PPP1R36: variants seen among roughly 807,000 people sequenced by gnomAD.
The protein encoded by PPP1R36 is chromosome 14 open reading frame 50.
PPP1R36 carries 47 observed loss-of-function variants against 53.4 expected under a neutral mutation model. The ratio of observed to expected loss-of-function variants is 0.88; its 90% CI spans 0.70 to 1.12. PPP1R36 has a LOEUF of 1.12. PPP1R36 is among the 50% of genes most tolerant of loss of function. The probability of loss-of-function intolerance (pLI) is 0.00; values close to 1 mark genes in which losing one functional copy is unlikely to be tolerated. For missense variants in PPP1R36, 456 were observed against 513.9 expected (o/e 0.89, Z 1.09); for synonymous variants, 153 against 170.5 (o/e 0.90, Z 0.80).
At chr14:64,564,906 C>T in intron 4 of PPP1R36, 69 bp downstream of exon 4, 1 of 1,006,880 alleles carries the variant, frequency 9.9e-7, no homozygotes, top group Non-Finnish European at 1.5e-6. Flanking sequence ...TCAGCCTTTA[C>T]AAACTACGAA....
Position 64,565,431 on chromosome 14 carries a change from C to T in PPP1R36, c.344C>T (p.Thr115Ile), listed in dbSNP as rs777906574. 6.2e-7 allele frequency: 1 copy of T among 1,612,456 alleles called. No homozygotes were observed. Among genetic ancestry groups the T allele is most frequent in the South Asian group, 1.1e-5 (1 of 90,970 alleles). The stretch of plus-strand genomic sequence containing the variant: ...GTAGAGAAACGAGGTCAACAGGGCA[C>T]CATTACACTGGATGATGTTAAATGT... ...KAVEKRGQQG[T>I]ITLDDVKFVT... Residue 115 changes from threonine to isoleucine, a missense_variant, in exon 5 of 12, where the codon ACC (threonine) becomes ATC (isoleucine). Physicochemically the swap from Thr to Ile is moderately conservative, Grantham distance 89. Coordinates refer to ENST00000298705, the MANE Select transcript of PPP1R36 (RefSeq NM_172365.3).
chr14:64,575,820 T>C (rs1171349458), intron 8 of PPP1R36, among the ~76,000 whole-genome samples: 1 of 151,898 alleles, frequency 6.6e-6, no homozygotes, highest in African/African-American at 2.4e-5. Flanking sequence ...CCAGCTAATT[T>C]TTTGTATTTT....
chr14:64,565,272 A>G, intron 4 of PPP1R36, 85 bp from the exon 5 acceptor site: 1 of 869,902 alleles, frequency 1.1e-6, no homozygotes, highest in Non-Finnish European at 1.8e-6. Context: ...TTACTTTTTA[A>G]TAAATGCTTC....
intron 4 of PPP1R36, 131 bp downstream of exon 4, chr14:64,564,968 A>C: frequency 3.1e-6 from 2 of 653,078 alleles, no homozygotes; most frequent in Non-Finnish European, 5.3e-6. Context: ...TCAAAGAAAG[A>C]ACATGTGCTG....
intron 8 of PPP1R36, among the ~76,000 whole-genome samples, chr14:64,583,852 G>A (rs1425609379): frequency 6.8e-6 from 1 of 147,600 alleles, no homozygotes; most frequent in African/African-American, 2.5e-5. Context: ...GAGTTCCAGT[G>A]TGTATGGCAA....
intron 6 of PPP1R36, 55 bp from the exon 7 acceptor site, chr14:64,568,294 C>T (rs904951073): frequency 4.5e-6 from 3 of 669,684 alleles, no homozygotes; most frequent in Non-Finnish European, 4.9e-6. Flanking sequence ...AGAAATCTTA[C>T]ATTTGAAATA....
chr14:64,574,507 G>A lies in PPP1R36; in HGVS notation c.586G>A (p.Ala196Thr). The change falls in exon 8 of 12, where the codon GCA becomes ACA. Residue 196 changes from alanine to threonine, a missense_variant. Coordinates refer to ENST00000298705, the MANE Select transcript of PPP1R36 (RefSeq NM_172365.3). Reference sequence around the variant, plus strand: ...ATTGGTTTTAAGTGAATTAGAAGCAGCACAGAGGTACTTGGCGCAGAAGTA... The same window carrying A: ...ATTGGTTTTAAGTGAATTAGAAGCAACACAGAGGTACTTGGCGCAGAAGTA... ...MELVLSELEA[A>T]QRYLAQKYCI... The A allele has an allele frequency of 6.2e-7, 1 of 1,614,108 alleles. No individual in the cohort carries two copies. The highest frequency in any genetic ancestry group is 8.5e-7 in the Non-Finnish European group (1 of 1,179,950).
chr14:64,581,592 C>G (rs2080390455), intron 8 of PPP1R36, among the ~76,000 whole-genome samples: 1 of 132,236 alleles, frequency 7.6e-6, no homozygotes, highest in Non-Finnish European at 1.5e-5. Context: ...ATTTCCCTTA[C>G]AAGAACTCAA....
chr14:64,569,731 C>A (rs1280587238), intron 7 of PPP1R36, among the ~76,000 whole-genome samples: 1 of 150,750 alleles, frequency 6.6e-6, no homozygotes, highest in Non-Finnish European at 1.5e-5. Context: ...TGTTTAATTT[C>A]TTTTTTCTTT....
Position 64,564,814 on chromosome 14 carries a change from A to G in PPP1R36, c.246A>G (p.Glu82=), listed in dbSNP as rs2080236365. The change falls in exon 4 of 12, where the codon GAA becomes GAG. Residue 82 remains glutamate, a synonymous_variant. Transcript: ENST00000298705. ...GKKGKAVHFA[E]TDGPASDRLT... Reference sequence around the variant, plus strand: ...AAGGCAAAGCAGTTCACTTTGCAGAAACTGATGGTCCAGCTTCAGACAGGT... The same window carrying G: ...AAGGCAAAGCAGTTCACTTTGCAGAGACTGATGGTCCAGCTTCAGACAGGT... The G allele has an allele frequency of 6.2e-7, 1 of 1,610,176 alleles. No homozygotes were observed. The highest frequency in any genetic ancestry group is 1.7e-5 in the Admixed American group (1 of 59,202).
chr14:64,562,134 G>A lies in PPP1R36; in HGVS notation c.183-2617G>A, dbSNP rs377719755. The A allele has an allele frequency of 1.8e-4, 31 of 176,526 alleles. No individual in the cohort carries two copies. In the East Asian group the frequency reaches 2.1e-3, roughly 12 times the overall value. 10.9% of individuals were successfully genotyped at this position (176,526 alleles called of 1,614,324 possible). ...GGCTAGCTAGCCCAGACCGTGGTTT[G>A]GGCACCAATCAGAGGTTCAATTCAC... On this transcript the variant is annotated intron_variant, in intron 3 of 11. Coordinates refer to ENST00000298705, the MANE Select transcript of PPP1R36 (RefSeq NM_172365.3).
intron 2 of PPP1R36, among the ~76,000 whole-genome samples, chr14:64,552,264 A>G (rs2080100057): frequency 6.6e-6 from 1 of 152,080 alleles, no homozygotes; most frequent in Non-Finnish European, 1.5e-5. Flanking sequence ...TGAGGCGGGC[A>G]GATCACCTGA....
intron 3 of PPP1R36, among the ~76,000 whole-genome samples, chr14:64,562,189 G>A (rs1414393886): frequency 1.3e-5 from 2 of 152,086 alleles, no homozygotes; most frequent in African/African-American, 2.4e-5. Flanking sequence ...GGCTGGGCGC[G>A]GTGGCCCACA....
At chr14:64,572,047 A>C (rs2080307798) in intron 7 of PPP1R36, among the ~76,000 whole-genome samples, 1 of 152,226 alleles carries the variant, frequency 6.6e-6, no homozygotes. Context: ...GCCAAACCAT[A>C]TCACCTTCTA....
intron 3 of PPP1R36, among the ~76,000 whole-genome samples, chr14:64,557,747 C>T (rs1191413518): frequency 2.0e-5 from 3 of 152,204 alleles, no homozygotes; most frequent in Non-Finnish European, 4.4e-5. Context: ...GGCAGTGGCT[C>T]ACGCCTGTAA....
At chr14:64,560,526 TAAG>T (rs1353687341) in intron 3 of PPP1R36, among the ~76,000 whole-genome samples, 1 of 151,818 alleles carries the variant, frequency 6.6e-6, no homozygotes, top group Non-Finnish European at 1.5e-5. Flanking sequence ...GGAGATCAGT[TAAG>T]AAGCAGTTAC....
chr14:64,559,117 G>A (rs1389320655), intron 3 of PPP1R36, among the ~76,000 whole-genome samples: 1 of 152,116 alleles, frequency 6.6e-6, no homozygotes. Flanking sequence ...AAGGAAGGTG[G>A]GACTGGGATC....
At chr14:64,577,437 C>A (rs2080351808) in intron 8 of PPP1R36, among the ~76,000 whole-genome samples, 1 of 152,184 alleles carries the variant, frequency 6.6e-6, no homozygotes, top group Non-Finnish European at 1.5e-5. Context: ...AGCTTGAGGA[C>A]TCCCCTTTGG....
intron 3 of PPP1R36, among the ~76,000 whole-genome samples, chr14:64,563,464 A>AG (rs1566651202): frequency 1.3e-5 from 2 of 151,708 alleles, no homozygotes; most frequent in Admixed American, 1.3e-4. Flanking sequence ...TAAAAAAAAA[A>AG]AAAGAAAGAA....
Sources: gnomAD v4.1 joint callset for allele counts (sites outside exome capture counted in the v4.1 genomes callset) on GRCh38, gnomAD v4.1.1 for gene constraint, MANE v1.5 for transcripts, NCBI Gene and HGNC (gene_info 2026-07-23, HGNC 2026-07-21) for gene names.